SIGLEC15: variants seen among roughly 807,000 people sequenced by gnomAD.
The protein encoded by SIGLEC15 is sialic acid-binding Ig-like lectin 15.
SIGLEC15 carries 31 observed loss-of-function variants against 26.2 expected under a neutral mutation model. That is an observed-to-expected ratio of 1.18 (90% CI 0.89 to 1.60). SIGLEC15 has a LOEUF of 1.60. Among genes scored for constraint, SIGLEC15 ranks in the 40% most tolerant of loss-of-function variants. The pLI is 0.00. For synonymous variants in SIGLEC15, 207 were observed against 221.9 expected, an observed-to-expected ratio of 0.93 and a Z score of 0.60; for missense variants, 501 against 488.4, an observed-to-expected ratio of 1.03 and a Z score of -0.24.
chr18:45,841,280 A>G (rs965237948), intron 5 of SIGLEC15, among the ~76,000 whole-genome samples: 1 of 152,004 alleles, frequency 6.6e-6, no homozygotes, highest in Non-Finnish European at 1.5e-5. Context: ...AGTTCCAGAG[A>G]GCAAGCCCCA....
chr18:45,832,293 G>A (rs2048242121), intron 1 of SIGLEC15, among the ~76,000 whole-genome samples: 1 of 152,056 alleles, frequency 6.6e-6, no homozygotes, highest in South Asian at 2.1e-4. Context: ...CCCAGTAAGT[G>A]AAGGAGCCTA....
chr18:45,838,845 G>A lies in SIGLEC15; in HGVS notation c.624G>A (p.Leu208=). The part of the protein sequence containing the change: ...AWSGPALGNS[L]AAVRSPREGH... ...CCGGCCCGGCCCTGGGCAACAGCTT[G>A]GCAGCCGTGCGGAGCCCGCGTGAGG... The change falls in exon 4 of 6, where the codon TTG becomes TTA. Residue 208 remains leucine, a synonymous_variant. Transcript: ENST00000389474. 3.8e-6 allele frequency: 6 copies of A among 1,572,150 alleles called. No individual in the cohort carries two copies. Among genetic ancestry groups the A allele is most frequent in the Non-Finnish European group, 5.2e-6 (6 of 1,164,622 alleles).
chr18:45,830,408 C>T (rs1462712208), intron 1 of SIGLEC15, among the ~76,000 whole-genome samples: 1 of 152,106 alleles, frequency 6.6e-6, no homozygotes, highest in East Asian at 1.9e-4. Context: ...GAGCTAATGC[C>T]CGATGCGGCA....
At chr18:45,829,677 T>C (rs1001774794) in intron 1 of SIGLEC15, among the ~76,000 whole-genome samples, 1 of 151,996 alleles carries the variant, frequency 6.6e-6, no homozygotes, top group East Asian at 1.9e-4. Context: ...TCAAGGAGGG[T>C]AGCCCCTCCC....
intron 3 of SIGLEC15, among the ~76,000 whole-genome samples, chr18:45,838,163 G>T (rs377466081): frequency 1.2e-4 from 19 of 152,350 alleles, no homozygotes; most frequent in South Asian, 1.0e-3. Context: ...ACTGTCCCCA[G>T]TGGCTCTCAG....
At chr18:45,826,107 A>G (rs960905747) in intron 1 of SIGLEC15, among the ~76,000 whole-genome samples, 3 of 152,158 alleles carry the variant, frequency 2.0e-5, no homozygotes, top group Non-Finnish European at 4.4e-5. Flanking sequence ...CAGGCTCTGA[A>G]CAAGCTTCTT....
At chr18:45,825,901 G>A (rs1480868130) in intron 1 of SIGLEC15, 121 bp downstream of exon 1, 1 of 1,194,210 alleles carries the variant, frequency 8.4e-7, no homozygotes, top group Non-Finnish European at 1.2e-6. Flanking sequence ...GCCTGTGGAG[G>A]AGGAAGAGCT....
At chr18:45,828,375 C>T (rs774932326) in intron 1 of SIGLEC15, among the ~76,000 whole-genome samples, 2 of 152,168 alleles carry the variant, frequency 1.3e-5, no homozygotes, top group Non-Finnish European at 2.9e-5. Context: ...CAGGGGCTCC[C>T]CACATAGCCT....
chr18:45,836,614 T>G (rs935361190), intron 1 of SIGLEC15, among the ~76,000 whole-genome samples: 2 of 152,028 alleles, frequency 1.3e-5, no homozygotes, highest in Non-Finnish European at 2.9e-5. Context: ...GTTCACAAGG[T>G]GGGGAATGGG....
At chr18:45,834,151 A>G (rs2048257407) in intron 1 of SIGLEC15, among the ~76,000 whole-genome samples, 3 of 152,202 alleles carry the variant, frequency 2.0e-5, no homozygotes, top group South Asian at 4.2e-4. Flanking sequence ...TGCTGAAGTG[A>G]CATCGCCTCT....
chr18:45,829,100 C>T (rs564071534), intron 1 of SIGLEC15: 4 of 985,842 alleles, frequency 4.1e-6, no homozygotes, highest in South Asian at 4.7e-5. Flanking sequence ...CAGGCTACAT[C>T]GGGACTCTGA....
At chr18:45,826,933 G>A (rs1344101883) in intron 1 of SIGLEC15, among the ~76,000 whole-genome samples, 4 of 152,052 alleles carry the variant, frequency 2.6e-5, no homozygotes, top group Non-Finnish European at 5.9e-5. Flanking sequence ...TTTCTCTTTG[G>A]AGACAGAGTC....
chr18:45,829,229 A>G (rs1189592578), intron 1 of SIGLEC15: 2 of 894,040 alleles, frequency 2.2e-6, no homozygotes, highest in African/African-American at 1.8e-5. Context: ...CGGCAGAGGC[A>G]TGGGTTAAAG....
At chr18:45,838,696 T>TCACC in intron 3 of SIGLEC15, 22 bp from the exon 4 acceptor site, 1 of 1,547,508 alleles carries the variant, frequency 6.5e-7, no homozygotes, top group Non-Finnish European at 8.6e-7. Context: ...CTTGTGACAG[T>TCACC]CACCCGCCTT....
At chr18:45,840,998 T>G (rs1379696330) in intron 5 of SIGLEC15, 1 of 152,294 alleles carries the variant, frequency 6.6e-6, no homozygotes, top group Non-Finnish European at 1.5e-5. Context: ...GAGTACCTAC[T>G]GCATACCAGG....
At position 45,843,581 on chromosome 18, in the gene SIGLEC15, C is replaced by CA. The variant is rs1381656295; in HGVS notation, c.*1400dup. The CA allele has an allele frequency of 2.6e-5, 4 of 152,174 alleles. No individual in the cohort carries two copies. Among genetic ancestry groups the CA allele is most frequent in the African/African-American group, 4.8e-5 (2 of 41,428 alleles). 9.4% of individuals were successfully genotyped at this position (152,174 alleles called of 1,614,324 possible). On this transcript the variant is annotated 3_prime_UTR_variant, in exon 6 of 6. Coordinates refer to ENST00000389474, the MANE Select transcript of SIGLEC15 (RefSeq NM_213602.3). Reference sequence around the variant, plus strand: ...ACTATGGAGAACAGTACAGTTTCCTCAAAAAACTAAAAATAGGCTGGGCGT... The same window carrying CA: ...ACTATGGAGAACAGTACAGTTTCCTCAAAAAAACTAAAAATAGGCTGGGCGT...
chr18:45,839,028 CG>C lies in SIGLEC15; in HGVS notation c.808del (p.Ala270LeufsTer44). 1 of 1,574,844 alleles carries C rather than the reference CG, an allele frequency of 6.3e-7. No homozygotes were observed. The highest frequency in any genetic ancestry group is 8.6e-7 in the Non-Finnish European group (1 of 1,168,760). ...CCTCGACGGTCGCCCTCCTGCTCGG[CG>C]CTCTCGGCTTCAAGGCGCTGCTGCT... ...GASTVALLLG[A>X]LGFKALLLLG... is the part of the protein sequence containing the mutation. On this transcript the variant is annotated frameshift_variant, in exon 4 of 6. Coordinates refer to ENST00000389474, the MANE Select transcript of SIGLEC15 (RefSeq NM_213602.3). LOFTEE classifies it high-confidence loss of function.
chr18:45,840,387 C>T (rs2048315633), intron 5 of SIGLEC15, 146 bp downstream of exon 5: 2 of 876,600 alleles, frequency 2.3e-6, no homozygotes. Context: ...CCTTGCAGCC[C>T]ACCAAGGCAC....
rs952322636 is a variant in SIGLEC15 at position 45,839,114 on chromosome 18, C to T, written c.874+19C>T. ...CGCCCAGGTGGGTGCGCCCCAGACA[C>T]GGGTGGCCGCGAGGGGCCGGGCCGG... is the stretch of plus-strand genomic sequence containing the variant. On this transcript the variant is annotated intron_variant, in intron 4 of 5. Coordinates refer to ENST00000389474, the MANE Select transcript of SIGLEC15 (RefSeq NM_213602.3). 6.6e-6 allele frequency: 9 copies of T among 1,365,030 alleles called. No individual in the cohort carries two copies. The highest frequency in any genetic ancestry group is 4.0e-5 in the Admixed American group (1 of 24,820). 84.6% of individuals were successfully genotyped at this position (1,365,030 alleles called of 1,614,324 possible). A position where few individuals can be genotyped will look rare whatever the true frequency, so the allele number is the denominator to read the frequency against.
Sources: allele counts gnomAD v4.1 joint callset (sites outside exome capture counted in the v4.1 genomes callset), GRCh38; gene constraint gnomAD v4.1.1; transcripts MANE v1.5; gene names NCBI Gene and HGNC (gene_info 2026-07-23, HGNC 2026-07-21).